CYGB: variants seen among roughly 807,000 people sequenced by gnomAD.
CYGB encodes cytoglobin.
Under a neutral mutation model 20.7 loss-of-function variants are expected in CYGB, and 13 were observed. The ratio of observed to expected loss-of-function variants is 0.63; its 90% CI spans 0.41 to 1.00. The LOEUF is 1.00. CYGB is among the 50% of genes least tolerant of loss of function. The pLI, the probability that CYGB is intolerant of heterozygous loss-of-function variation, is 0.00. For missense variants in CYGB, 218 were observed against 257.2 expected (o/e 0.85, Z 1.04); for synonymous variants, 93 against 107.4 (o/e 0.87, Z 0.83).
chr17:76,543,484 G>A, intron 1 of CYGB: 1 of 345,934 alleles, frequency 2.9e-6, no homozygotes, highest in Non-Finnish European at 5.7e-6. Flanking sequence ...GTCACCCACA[G>A]AGCCTGGTAA....
At chr17:76,544,722 C>T in intron 1 of CYGB, 1 of 456,810 alleles carries the variant, frequency 2.2e-6, no homozygotes. Context: ...GGGACCCAGT[C>T]TGTGTTCCCC....
At chr17:76,540,250 T>G (rs577810284), upstream of CYGB, 438 of 466,778 alleles carry the variant, frequency 9.4e-4, no homozygotes, top group South Asian at 1.9e-3. This position sits in a 1 kb window ranked among gnomAD's most constrained non-coding sequence, Gnocchi z 5.0. Flanking sequence ...TGGCGGTTGG[T>G]CGGGGGGGGG....
rs1294298907 is a variant in CYGB, at chr17:76,533,068, G to C, written c.144-1377C>G. ...GCCAGGAGTCGAGTCTCAGATGTGA[G>C]GGCTGGAACAGATGCGGAGAGGGCA... On this transcript the variant is annotated intron_variant, in intron 1 of 3. Transcript: ENST00000293230. The surrounding 1 kb of genome is among the most constrained non-coding windows in gnomAD (Gnocchi z 4.5). Among the ~76,000 whole-genome samples, 1 of 152,216 alleles carries C rather than the reference G, an allele frequency of 6.6e-6. No individual in the cohort carries two copies. Among genetic ancestry groups the C allele is most frequent in the Non-Finnish European group, 1.5e-5 (1 of 68,048 alleles).
chr17:76,547,545 TG>T (rs1439517316), intron 1 of CYGB, among the ~76,000 whole-genome samples: 1 of 152,062 alleles, frequency 6.6e-6, no homozygotes, highest in African/African-American at 2.4e-5. Context: ...ATGACTGTAG[TG>T]GGGGACTGAG....
At chr17:76,529,758 C>A in intron 3 of CYGB, 1 of 985,392 alleles carries the variant, frequency 1.0e-6, no homozygotes, top group Non-Finnish European at 1.2e-6. Flanking sequence ...CACGCCCTGC[C>A]AGTGCCCTCC....
At chr17:76,537,283 G>T in intron 1 of CYGB, 117 bp downstream of exon 1, 2 of 1,200,488 alleles carry the variant, frequency 1.7e-6, no homozygotes, top group Non-Finnish European at 2.2e-6. Context: ...CCTCGGACCG[G>T]CCCCATTCGC....
chr17:76,529,442 G>A, intron 3 of CYGB: 1 of 985,478 alleles, frequency 1.0e-6, no homozygotes, highest in Non-Finnish European at 1.2e-6. Flanking sequence ...TTAGTCCCTA[G>A]GGCAGGGTGG....
In CYGB at chr17:76,527,962, G is replaced by T. The variant is rs2074786797; in HGVS notation, c.*616C>A. 1.9e-5 allele frequency: 7 copies of T among 373,396 alleles called. No homozygotes were observed. Among genetic ancestry groups the T allele is most frequent in the Non-Finnish European group, 3.8e-5 (7 of 185,364 alleles). The allele number at this position is 373,396 out of a possible 1,614,324, so 23.1% of individuals were successfully genotyped here. A position where few individuals can be genotyped will look rare whatever the true frequency, so the allele number is the denominator to read the frequency against. On this transcript the variant is annotated 3_prime_UTR_variant, in exon 4 of 4. Transcript: ENST00000293230. ...CGCCAAGCCGGGTTGCCCCAGCCCT[G>T]CCCCTCCAGGCCCAGGTCCTCTGCG...
rs1488919896 is a variant in CYGB at position 76,530,346 on chromosome 17, G to A, written c.539+633C>T. On this transcript the variant is annotated intron_variant, in intron 3 of 3. Coordinates refer to ENST00000293230, the MANE Select transcript of CYGB (RefSeq NM_134268.5). This position sits in a 1 kb window ranked among gnomAD's most constrained non-coding sequence, Gnocchi z 6.1. ...TCCGAGTCAGCAGGAGTCACAGAGG[G>A]CGGCCACCCTCCTTGAGCCACCTCC... is the stretch of plus-strand genomic sequence containing the variant. Among the ~76,000 whole-genome samples, 1 of 152,072 alleles carries A rather than the reference G, an allele frequency of 6.6e-6. No homozygotes were observed. The highest frequency in any genetic ancestry group is 1.5e-5 in the Non-Finnish European group (1 of 68,008).
upstream of CYGB, chr17:76,538,535 T>C (rs1452657416): frequency 1.1e-5 from 5 of 464,886 alleles, no homozygotes; most frequent in Admixed American, 2.4e-5. Flanking sequence ...CCCTGAATTC[T>C]AGCCCAGCTG....
At chr17:76,543,169 C>T (rs777650312) in intron 1 of CYGB, 2 of 460,692 alleles carry the variant, frequency 4.3e-6, no homozygotes, top group South Asian at 3.2e-5. Flanking sequence ...CCCCTTCCCC[C>T]AGGCCCTGGG....
At chr17:76,549,967 T>C (rs974919834) in intron 1 of CYGB, 1 of 152,288 alleles carries the variant, frequency 6.6e-6, no homozygotes, top group Non-Finnish European at 1.5e-5. Flanking sequence ...TTTTTTTTCT[T>C]TTTTTTGAGA....
At chr17:76,548,055 C>T (rs1429181218) in intron 1 of CYGB, among the ~76,000 whole-genome samples, 1 of 152,016 alleles carries the variant, frequency 6.6e-6, no homozygotes, top group African/African-American at 2.4e-5. Flanking sequence ...CATTCACACA[C>T]ATACACACAG....
chr17:76,530,073 A>G lies in CYGB; in HGVS notation c.539+906T>C. Reference sequence around the variant, plus strand: ...GGGGGCCCGTGCAGAGCCCGGCGGGAGACGCCGCCTTTTCCATGGGAAACT... The same window carrying G: ...GGGGGCCCGTGCAGAGCCCGGCGGGGGACGCCGCCTTTTCCATGGGAAACT... On this transcript the variant is annotated intron_variant, in intron 3 of 3. Coordinates refer to ENST00000293230, the MANE Select transcript of CYGB (RefSeq NM_134268.5). This position sits in a 1 kb window ranked among gnomAD's most constrained non-coding sequence, Gnocchi z 6.1. 1 of 984,992 alleles carries G rather than the reference A, an allele frequency of 1.0e-6. No homozygotes were observed. Among genetic ancestry groups the G allele is most frequent in the African/African-American group, 1.7e-5 (1 of 57,238 alleles). The allele number at this position is 984,992 out of a possible 1,614,324, so 61.0% of individuals were successfully genotyped here.
chr17:76,540,394 G>C (rs2074976663), upstream of CYGB: 1 of 1,350,396 alleles, frequency 7.4e-7, no homozygotes. The surrounding 1 kb of genome is among the most constrained non-coding windows in gnomAD (Gnocchi z 5.0). Context: ...AGCTTCAAAG[G>C]CTCTAGTTGC....
chr17:76,529,831 A>C (rs753487047), intron 3 of CYGB: 151 of 985,196 alleles, frequency 1.5e-4, no homozygotes, highest in Middle Eastern at 5.2e-4. Flanking sequence ...GCCAGGGCCC[A>C]GCTGTGCACA....
rs886861168 is a variant in CYGB at position 76,530,289 on chromosome 17, G to A, written c.539+690C>T. 1.3e-5 allele frequency among the ~76,000 whole-genome samples: 2 copies of A among 151,914 alleles called. No homozygotes were observed. On this transcript the variant is annotated intron_variant, in intron 3 of 3. Coordinates refer to ENST00000293230, the MANE Select transcript of CYGB (RefSeq NM_134268.5). The surrounding 1 kb of genome is among the most constrained non-coding windows in gnomAD (Gnocchi z 6.1). ...CCAGGGAGGCCGAGTGTTCCCAACC[G>A]CCACATCTGGGGGCTAGCCCTCCCC...
At chr17:76,538,333 G>T (rs1449930172), upstream of CYGB, 9 of 327,160 alleles carry the variant, frequency 2.8e-5, no homozygotes, top group Non-Finnish European at 5.5e-5. Context: ...GTTAGCACGG[G>T]GGTCGTCCCC....
chr17:76,533,328 T>C lies in CYGB; in HGVS notation c.144-1637A>G, dbSNP rs1405031639. 2.0e-5 allele frequency among the ~76,000 whole-genome samples: 3 copies of C among 152,302 alleles called. No homozygotes were observed. Among genetic ancestry groups the C allele is most frequent in the Admixed American group, 1.3e-4 (2 of 15,306 alleles). The stretch of plus-strand genomic sequence containing the variant: ...GTGAGGCGACGGGTCTGAAAATACA[T>C]TGAATTTTCTGGAGAAGCACTGTAA... On this transcript the variant is annotated intron_variant, in intron 1 of 3. Coordinates refer to ENST00000293230, the MANE Select transcript of CYGB (RefSeq NM_134268.5). The surrounding 1 kb of genome is among the most constrained non-coding windows in gnomAD (Gnocchi z 4.5).
Sources: gnomAD v4.1 joint callset for allele counts (sites outside exome capture counted in the v4.1 genomes callset) on GRCh38, gnomAD v4.1.1 for gene constraint, Gnocchi (gnomAD v3.1) non-coding constraint, MANE v1.5 for transcripts, NCBI Gene and HGNC (gene_info 2026-07-23, HGNC 2026-07-21) for gene names.